MGAT5: variants seen among roughly 807,000 people sequenced by gnomAD.
MGAT5 encodes the protein alpha-1,6-mannosylglycoprotein 6-beta-N-acetylglucosaminyltransferase A.
MGAT5 carries 30 observed loss-of-function variants against 94.3 expected under a neutral mutation model. The ratio of observed to expected loss-of-function variants is 0.32; its 90% CI spans 0.24 to 0.43. The LOEUF (loss-of-function observed/expected upper bound fraction) is 0.43. Among genes scored for constraint, MGAT5 ranks in the 20% least tolerant of loss-of-function variants. MGAT5 has a pLI of 1.00. For synonymous variants in MGAT5, 310 were observed against 322.9 expected (o/e 0.96, Z 0.43); for missense variants, 691 against 905.5 (o/e 0.76, Z 3.04).
At chr2:134,403,211 CTTGTTTTT>C in intron 11 of MGAT5, 74 bp downstream of exon 11, 1 of 1,443,338 alleles carries the variant, frequency 6.9e-7, no homozygotes, top group Non-Finnish European at 9.2e-7. Context: ...ATATTTCATG[CTTGTTTTT>C]CAATGCTGCA....
chr2:134,365,573 T>C (rs1341448644), intron 10 of MGAT5, among the ~76,000 whole-genome samples: 1 of 152,048 alleles, frequency 6.6e-6, no homozygotes, highest in Non-Finnish European at 1.5e-5. Context: ...GAGGGTGCTG[T>C]TGAGAGGATA....
intron 1 of MGAT5, among the ~76,000 whole-genome samples, chr2:134,173,960 G>C (rs1158567841): frequency 6.6e-6 from 1 of 152,162 alleles, no homozygotes; most frequent in Non-Finnish European, 1.5e-5. Context: ...CCCCCACCCA[G>C]GTTATAAATC....
intron 1 of MGAT5, among the ~76,000 whole-genome samples, chr2:134,183,349 T>C (rs995215761): frequency 2.0e-5 from 3 of 152,192 alleles, no homozygotes; most frequent in African/African-American, 7.2e-5. Flanking sequence ...GAAGATAATA[T>C]AGAAATTAGA....
intron 14 of MGAT5, among the ~76,000 whole-genome samples, chr2:134,438,014 C>CAA (rs1276833339): frequency 0.02 from 2,035 of 101,230 alleles, 94 homozygotes; most frequent in African/African-American, 0.061. Context: ...GACTCCGTCT[C>CAA]AAAAAAAAAA....
chr2:134,412,906 C>T lies in MGAT5; in HGVS notation c.1568C>T (p.Ala523Val). 1 of 1,614,136 alleles carries T rather than the reference C, an allele frequency of 6.2e-7. No individual in the cohort carries two copies. Among genetic ancestry groups the T allele is most frequent in the Non-Finnish European group, 8.5e-7 (1 of 1,180,020 alleles). The change falls in exon 12 of 16, where the codon GCT (alanine) becomes GTT (valine). Residue 523 changes from alanine (A) to valine (V), a missense_variant. Ala to Val is a moderately conservative substitution (Grantham distance 64). Around this residue, in one of 4 missense-constraint regions of MGAT5, gnomAD observed 260 missense variants for 347.0 expected, o/e 0.75. Transcript: ENST00000281923. ...VGLGFPYEGPAPLEAIANGCA... is the reference protein window; with the variant it reads ...VGLGFPYEGPVPLEAIANGCA... ...CTTGGGTTCCCTTACGAGGGCCCAG[C>T]TCCCCTGGAAGCTATCGCAAATGGA...
intron 1 of MGAT5, among the ~76,000 whole-genome samples, chr2:134,180,407 T>G (rs1216987564): frequency 9.9e-5 from 15 of 152,180 alleles, no homozygotes; most frequent in Non-Finnish European, 2.2e-4. Context: ...CTTGGTAAAG[T>G]CAACAGGTAC....
intron 2 of MGAT5, among the ~76,000 whole-genome samples, chr2:134,281,919 G>A (rs1573694201): frequency 1.3e-5 from 2 of 152,196 alleles, no homozygotes; most frequent in Non-Finnish European, 1.5e-5. Context: ...CAGTTGGGTC[G>A]AGGCAAGGAG....
intron 5 of MGAT5, among the ~76,000 whole-genome samples, chr2:134,337,398 A>G (rs1402555556): frequency 6.6e-6 from 1 of 152,072 alleles, no homozygotes; most frequent in Non-Finnish European, 1.5e-5. Context: ...GGATCGCTTG[A>G]GCGCAAGTTC....
chr2:134,379,804 T>G (rs1039633821), intron 10 of MGAT5, among the ~76,000 whole-genome samples: 4 of 152,250 alleles, frequency 2.6e-5, no homozygotes, highest in African/African-American at 9.6e-5. Flanking sequence ...TTTCATCCCC[T>G]CTTGATAAGA....
intron 1 of MGAT5, among the ~76,000 whole-genome samples, chr2:134,217,762 G>T (rs770803499): frequency 1.5e-4 from 23 of 152,244 alleles, no homozygotes; most frequent in Non-Finnish European, 2.6e-4. Context: ...CTCTTATTTG[G>T]TCCTCTTCTG....
intron 1 of MGAT5, among the ~76,000 whole-genome samples, chr2:134,182,903 C>T (rs1383921290): frequency 6.7e-6 from 1 of 150,324 alleles, no homozygotes; most frequent in African/African-American, 2.4e-5. Flanking sequence ...TCTCTTGCCT[C>T]AGCCTCCCGA....
At chr2:134,397,566 C>T (rs1222334050) in intron 10 of MGAT5, among the ~76,000 whole-genome samples, 1 of 152,190 alleles carries the variant, frequency 6.6e-6, no homozygotes, top group Non-Finnish European at 1.5e-5. Context: ...CCTTGGTTCA[C>T]CTCATAGATT....
chr2:134,337,865 T>C (rs1688418219), intron 5 of MGAT5, among the ~76,000 whole-genome samples: 2 of 151,120 alleles, frequency 1.3e-5, no homozygotes, highest in South Asian at 4.2e-4. Flanking sequence ...AACAGCCTGC[T>C]AAGAATTGAC....
intron 1 of MGAT5, among the ~76,000 whole-genome samples, chr2:134,171,595 T>A (rs1455786023): frequency 3.9e-5 from 6 of 152,160 alleles, no homozygotes; most frequent in African/African-American, 1.4e-4. Flanking sequence ...TTTAAGTATC[T>A]TTTTTTGGGA....
intron 10 of MGAT5, among the ~76,000 whole-genome samples, chr2:134,377,030 C>T (rs563261468): frequency 6.6e-6 from 1 of 152,342 alleles, no homozygotes; most frequent in East Asian, 1.9e-4. Context: ...ATTGTTGACA[C>T]AGGGATCAGA....
intron 1 of MGAT5, among the ~76,000 whole-genome samples, chr2:134,197,695 A>G: frequency 6.6e-6 from 1 of 152,362 alleles, no homozygotes; most frequent in South Asian, 2.1e-4. Context: ...ACCTCAAACA[A>G]TACTGATTTA....
intron 2 of MGAT5, among the ~76,000 whole-genome samples, chr2:134,294,785 TG>T (rs1168066566): frequency 6.6e-6 from 1 of 152,238 alleles, no homozygotes; most frequent in Non-Finnish European, 1.5e-5. Context: ...GGTCATAGTC[TG>T]TTCCTCTTCC....
At chr2:134,308,100 G>T in intron 2 of MGAT5, among the ~76,000 whole-genome samples, 1 of 152,184 alleles carries the variant, frequency 6.6e-6, no homozygotes. Context: ...ACTTATTATT[G>T]TGAGGCTCAA....
intron 4 of MGAT5, among the ~76,000 whole-genome samples, chr2:134,331,341 G>C (rs1305439134): frequency 6.6e-6 from 1 of 152,088 alleles, no homozygotes; most frequent in Non-Finnish European, 1.5e-5. Flanking sequence ...GTCTTTGTTT[G>C]TTTTTGTTTT....
Sources: gnomAD v4.1 joint callset for allele counts (sites outside exome capture counted in the v4.1 genomes callset) on GRCh38, gnomAD v4.1.1 for gene constraint, gnomAD v4.1.1 regional missense constraint, MANE v1.5 for transcripts, NCBI Gene and HGNC (gene_info 2026-07-23, HGNC 2026-07-21) for gene names.